MAPK9: variants seen among roughly 807,000 people sequenced by gnomAD.
MAPK9 encodes mitogen-activated protein kinase 9, also known as Jun kinase.
In MAPK9, 30 loss-of-function variants were observed where a neutral mutation model predicts 57.1. The observed-to-expected ratio is 0.53, with a 90% CI of 0.39 to 0.71. MAPK9 has a LOEUF of 0.71. Ranked by LOEUF, MAPK9 falls within the 30% of genes least tolerant of loss-of-function variation. The probability of loss-of-function intolerance (pLI) is 0.00; values close to 1 mark genes in which losing one functional copy is unlikely to be tolerated. For synonymous variants in MAPK9, 155 were observed against 177.0 expected, an observed-to-expected ratio of 0.88 and a Z score of 0.99; for missense variants, 362 against 521.0, an observed-to-expected ratio of 0.69 and a Z score of 2.97.
intron 5 of MAPK9, among the ~76,000 whole-genome samples, chr5:180,250,767 A>G (rs760408549): frequency 6.6e-6 from 1 of 152,150 alleles, no homozygotes; most frequent in Non-Finnish European, 1.5e-5. Context: ...CCTGGCCCCA[A>G]AAAGAGGCCC....
intron 5 of MAPK9, chr5:180,257,537 G>A (rs930764053): frequency 6.6e-6 from 1 of 152,224 alleles, no homozygotes; most frequent in African/African-American, 2.4e-5. Flanking sequence ...TATTATCTCT[G>A]CCTCTAGTCT....
intron 1 of MAPK9, among the ~76,000 whole-genome samples, chr5:180,281,340 G>A (rs1415445567): frequency 1.3e-5 from 2 of 152,212 alleles, no homozygotes; most frequent in African/African-American, 2.4e-5. Flanking sequence ...CTGAGTGTAG[G>A]CCAGCAGGCC....
chr5:180,244,594 T>G (rs994817156), intron 7 of MAPK9, among the ~76,000 whole-genome samples: 2 of 151,712 alleles, frequency 1.3e-5, no homozygotes, highest in African/African-American at 4.8e-5. Flanking sequence ...GCCAAGACGG[T>G]GAAACCCTGG....
At chr5:180,291,723 G>A (rs1763268253) in intron 1 of MAPK9, 125 bp downstream of exon 1, 3 of 150,284 alleles carry the variant, frequency 2.0e-5, no homozygotes, top group African/African-American at 7.3e-5. Context: ...GACGGCTGCG[G>A]CTGCCAGGGC....
At chr5:180,240,512 C>T (rs1757556567) in intron 9 of MAPK9, among the ~76,000 whole-genome samples, 2 of 152,208 alleles carry the variant, frequency 1.3e-5, no homozygotes, top group African/African-American at 4.8e-5. Context: ...TCACTCATGG[C>T]ATGAAGGAAG....
At chr5:180,238,289 G>T in intron 11 of MAPK9, 43 bp downstream of exon 11, 1 of 1,516,330 alleles carries the variant, frequency 6.6e-7, no homozygotes, top group South Asian at 1.2e-5. Context: ...AAGTTGAATA[G>T]GGAAAGAAAA....
intron 11 of MAPK9, 37 bp from the exon 12 acceptor site, chr5:180,236,563 C>A: frequency 6.3e-7 from 1 of 1,597,180 alleles, no homozygotes; most frequent in Non-Finnish European, 8.6e-7. Flanking sequence ...AAATCTGAGG[C>A]ACGACATTGC....
intron 5 of MAPK9, among the ~76,000 whole-genome samples, chr5:180,256,562 G>A (rs1202005518): frequency 6.6e-6 from 1 of 152,220 alleles, no homozygotes; most frequent in African/African-American, 2.4e-5. Flanking sequence ...AGGGAACAAG[G>A]TGACAGGGAG....
chr5:180,267,809 C>G (rs1338355977), intron 3 of MAPK9, among the ~76,000 whole-genome samples: 6 of 125,490 alleles, frequency 4.8e-5, no homozygotes, highest in Admixed American at 4.3e-4. Context: ...GAGACCCTGT[C>G]TCAAAAAAAC....
chr5:180,251,323 G>A (rs559942346), intron 5 of MAPK9, among the ~76,000 whole-genome samples: 1 of 152,268 alleles, frequency 6.6e-6, no homozygotes, highest in South Asian at 2.1e-4. Flanking sequence ...GGACAGCCTG[G>A]TTCTACCAAG....
rs768660941 is a variant in MAPK9 at position 180,247,838 on chromosome 5, TC to T, written c.617-329del. The T allele has an allele frequency of 5.6e-6, 9 of 1,613,260 alleles. No homozygotes were observed. In the Admixed American group the frequency reaches 1.2e-4, roughly 21 times the overall value. On this transcript the variant is annotated intron_variant, in intron 6 of 11. Transcript: ENST00000452135. The surrounding 1 kb of genome is among the most constrained non-coding windows in gnomAD (Gnocchi z 4.5). ...CCAGCCTCCATGGCCAAGTACCGGG[TC>T]CCCTGTGAAGGATACAGTCTCTTCC...
chr5:180,271,234 T>C (rs1284890885), intron 2 of MAPK9, among the ~76,000 whole-genome samples: 1 of 152,240 alleles, frequency 6.6e-6, no homozygotes, highest in Non-Finnish European at 1.5e-5. Flanking sequence ...AGTCTAAGCA[T>C]CTAAGTGGGC....
intron 3 of MAPK9, among the ~76,000 whole-genome samples, chr5:180,267,981 C>G (rs775839383): frequency 1.3e-4 from 20 of 151,934 alleles, no homozygotes; most frequent in East Asian, 3.9e-4. Context: ...TCCCACCTCA[C>G]CCTCCTTAAT....
At chr5:180,239,495 G>C (rs1357242107) in intron 10 of MAPK9, among the ~76,000 whole-genome samples, 2 of 152,094 alleles carry the variant, frequency 1.3e-5, no homozygotes, top group African/African-American at 2.4e-5. Flanking sequence ...CTTCATTACA[G>C]GTATAGTTTG....
chr5:180,240,133 C>A, intron 9 of MAPK9, 146 bp from the exon 10 acceptor site: 2 of 631,466 alleles, frequency 3.2e-6, no homozygotes, highest in South Asian at 3.8e-5. Flanking sequence ...AAAGATTTGT[C>A]ATGTGATATT....
At chr5:180,273,719 T>C (rs1299406086) in intron 2 of MAPK9, among the ~76,000 whole-genome samples, 1 of 152,234 alleles carries the variant, frequency 6.6e-6, no homozygotes, top group Non-Finnish European at 1.5e-5. Context: ...TGAACATTCC[T>C]ATGTCCATTT....
chr5:180,257,889 A>G (rs551312789), intron 5 of MAPK9: 30 of 182,478 alleles, frequency 1.6e-4, no homozygotes, highest in Admixed American at 8.1e-4. Flanking sequence ...AAGTCTTCAC[A>G]TGTCCTTCAT....
intron 1 of MAPK9, among the ~76,000 whole-genome samples, chr5:180,289,570 C>T (rs1413899925): frequency 6.6e-6 from 1 of 152,142 alleles, no homozygotes; most frequent in African/African-American, 2.4e-5. Context: ...TCACCAGCTG[C>T]TTGCTAAGAA....
At chr5:180,280,354 T>C (rs187226035) in intron 2 of MAPK9, 86 bp downstream of exon 2, 1 of 1,519,872 alleles carries the variant, frequency 6.6e-7, no homozygotes, top group East Asian at 2.3e-5. Flanking sequence ...TTTTTAATCA[T>C]CAATGTTTCT....
Sources: gnomAD v4.1 joint callset for allele counts (sites outside exome capture counted in the v4.1 genomes callset) on GRCh38, gnomAD v4.1.1 for gene constraint, Gnocchi (gnomAD v3.1) non-coding constraint, MANE v1.5 for transcripts, NCBI Gene and HGNC (gene_info 2026-07-23, HGNC 2026-07-21) for gene names.